Variants in MCC observed in about 807,000 individuals in gnomAD.
The protein encoded by MCC is MCC regulator of Wnt signaling pathway.
In MCC, 90 loss-of-function variants were observed where a neutral mutation model predicts 116.2. The ratio of observed to expected loss-of-function variants is 0.77; its 90% CI spans 0.65 to 0.92. The LOEUF (loss-of-function observed/expected upper bound fraction) is 0.92, where lower values mean the gene tolerates loss of function less well. Ranked by LOEUF, MCC falls within the 40% of genes least tolerant of loss-of-function variation. The pLI is 0.00. For synonymous variants in MCC, 578 were observed against 510.5 expected (o/e 1.13, Z -1.78); for missense variants, 1,516 against 1,312.2 (o/e 1.16, Z -2.40).
chr5:113,402,996 C>T (rs1391068908), intron 1 of MCC, among the ~76,000 whole-genome samples: 1 of 152,058 alleles, frequency 6.6e-6, no homozygotes, highest in Non-Finnish European at 1.5e-5. Flanking sequence ...TGCCAAATTG[C>T]TATAAAAGAT....
At chr5:113,285,842 T>G (rs1244677601) in intron 3 of MCC, among the ~76,000 whole-genome samples, 1 of 152,184 alleles carries the variant, frequency 6.6e-6, no homozygotes. Context: ...AGTCTTACAA[T>G]AGCATCTGAC....
At chr5:113,295,304 GATTTTA>G (rs1766677115) in intron 3 of MCC, among the ~76,000 whole-genome samples, 1 of 152,164 alleles carries the variant, frequency 6.6e-6, no homozygotes, top group Non-Finnish European at 1.5e-5. Context: ...GGAACATTAA[GATTTTA>G]CAAGGGTGCA....
chr5:113,406,215 A>C (rs1409184259), intron 1 of MCC, among the ~76,000 whole-genome samples: 1 of 152,206 alleles, frequency 6.6e-6, no homozygotes, highest in African/African-American at 2.4e-5. Context: ...GCACTAAGTT[A>C]ATTACAAACA....
At chr5:113,321,346 C>T (rs1035116416) in intron 3 of MCC, among the ~76,000 whole-genome samples, 1 of 151,676 alleles carries the variant, frequency 6.6e-6, no homozygotes, top group African/African-American at 2.4e-5. Context: ...TACATCTGAC[C>T]CCAATTTTTA....
intron 2 of MCC, among the ~76,000 whole-genome samples, chr5:113,350,658 A>G (rs1768246155): frequency 6.6e-6 from 1 of 152,114 alleles, no homozygotes; most frequent in African/African-American, 2.4e-5. Flanking sequence ...CCACAAGCAC[A>G]GGCAACAAAA....
chr5:113,177,686 C>T (rs1761406639), intron 3 of MCC, among the ~76,000 whole-genome samples: 2 of 152,192 alleles, frequency 1.3e-5, no homozygotes, highest in Admixed American at 1.3e-4. Context: ...TCTTCATGAT[C>T]CTTTCCATTT....
chr5:113,484,648 T>G (rs1055737432), intron 1 of MCC, among the ~76,000 whole-genome samples: 1 of 152,180 alleles, frequency 6.6e-6, no homozygotes, highest in Non-Finnish European at 1.5e-5. Context: ...GATATAGTGG[T>G]CAGGGAAGCT....
chr5:113,443,723 C>T (rs538797264), intron 1 of MCC, among the ~76,000 whole-genome samples: 45 of 152,200 alleles, frequency 3.0e-4, no homozygotes, highest in African/African-American at 6.3e-4. Flanking sequence ...TGAATTTTAT[C>T]GAAGGCCTTT....
At chr5:113,210,783 T>C (rs1212884726) in intron 3 of MCC, among the ~76,000 whole-genome samples, 2 of 152,114 alleles carry the variant, frequency 1.3e-5, no homozygotes, top group South Asian at 2.1e-4. Context: ...GGCAACAGTA[T>C]ATGGCTGTCA....
At chr5:113,086,350 G>A (rs1372549392) in intron 8 of MCC, among the ~76,000 whole-genome samples, 1 of 151,936 alleles carries the variant, frequency 6.6e-6, no homozygotes, top group Non-Finnish European at 1.5e-5. Flanking sequence ...GTTTGAAGAG[G>A]TGCAAGTTAT....
At chr5:113,087,025 A>G (rs1211329975) in intron 8 of MCC, among the ~76,000 whole-genome samples, 1 of 152,180 alleles carries the variant, frequency 6.6e-6, no homozygotes, top group Non-Finnish European at 1.5e-5. Context: ...GCCACAAAGC[A>G]CTTTAATCCC....
intron 7 of MCC, among the ~76,000 whole-genome samples, chr5:113,103,752 G>C (rs72803249): frequency 0.14 from 20,964 of 152,174 alleles, 1,841 homozygotes; most frequent in South Asian, 0.23. Context: ...CAATGAGTTT[G>C]TGCAGATGCA....
intron 3 of MCC, among the ~76,000 whole-genome samples, chr5:113,299,844 G>A (rs946344794): frequency 5.9e-5 from 9 of 152,192 alleles, no homozygotes; most frequent in African/African-American, 2.2e-4. Context: ...AGGAAAACCT[G>A]CTTTGCAATC....
chr5:113,293,294 T>C (rs1198557092), intron 3 of MCC, among the ~76,000 whole-genome samples: 1 of 152,040 alleles, frequency 6.6e-6, no homozygotes, highest in African/African-American at 2.4e-5. Context: ...TCACCATTGG[T>C]AGTCTGACAT....
intron 3 of MCC, among the ~76,000 whole-genome samples, chr5:113,295,130 A>C (rs1463337316): frequency 2.0e-5 from 3 of 151,160 alleles, no homozygotes; most frequent in Admixed American, 6.6e-5. Context: ...CAGGAGGGGG[A>C]GTAGAAACAG....
intron 3 of MCC, among the ~76,000 whole-genome samples, chr5:113,252,336 C>T (rs754139034): frequency 3.9e-5 from 6 of 152,162 alleles, no homozygotes; most frequent in Non-Finnish European, 7.3e-5. Context: ...CAGCTGCTCC[C>T]CATCACTCAC....
intron 3 of MCC, among the ~76,000 whole-genome samples, chr5:113,265,479 T>C (rs1181991954): frequency 6.6e-6 from 1 of 152,224 alleles, no homozygotes; most frequent in East Asian, 1.9e-4. Context: ...TAGAATCTTA[T>C]ACTCCGCCTT....
chr5:113,340,416 A>G (rs1186353291), intron 3 of MCC, 103 bp downstream of exon 3: 3 of 975,158 alleles, frequency 3.1e-6, no homozygotes, highest in Non-Finnish European at 3.1e-6. Context: ...ACCGCAATAA[A>G]GAAGACAATA....
At chr5:113,062,599 T>C (rs1753298780) in intron 14 of MCC, among the ~76,000 whole-genome samples, 1 of 152,244 alleles carries the variant, frequency 6.6e-6, no homozygotes, top group Non-Finnish European at 1.5e-5. Flanking sequence ...ACACAAATTA[T>C]AGATTATACA....
Sources: allele counts gnomAD v4.1 joint callset (sites outside exome capture counted in the v4.1 genomes callset), GRCh38; gene constraint gnomAD v4.1.1; transcripts MANE v1.5; gene names NCBI Gene and HGNC (gene_info 2026-07-23, HGNC 2026-07-21).